The following WIPF3 variants were observed in gnomAD, a reference collection of about 807,000 sequenced individuals.
The protein encoded by WIPF3 is WAS/WASL interacting protein family member 3.
A neutral mutation model predicts 38.9 loss-of-function variants in WIPF3; 33 were observed. That is an observed-to-expected ratio of 0.85 (90% CI 0.64 to 1.14). The LOEUF is 1.14. WIPF3 is among the 50% of genes most tolerant of loss of function. The pLI, the probability that WIPF3 is intolerant of heterozygous loss-of-function variation, is 0.00. For synonymous variants in WIPF3, 324 were observed against 269.3 expected (o/e 1.20, Z -1.99); for missense variants, 711 against 652.5 (o/e 1.09, Z -0.98).
Position 29,812,271 on chromosome 7 carries a change from A to C in WIPF3, c.-58+5593A>C, listed in dbSNP as rs145794372. On this transcript the variant is annotated intron_variant, in intron 1 of 8. Coordinates refer to ENST00000242140, the MANE Select transcript of WIPF3 (RefSeq NM_001080529.3). ...AATTGTAGCAGCTGCCAAAGTAAAC[A>C]AAACCAAACCAGTGCACACACCCAA... Among the ~76,000 whole-genome samples the C allele has an allele frequency of 1.6e-3, 243 of 152,360 alleles. No homozygotes were observed. The East Asian group carries it at 0.021, about 13-fold the overall frequency.
At chr7:29,840,696 A>G (rs546339219) in intron 2 of WIPF3, among the ~76,000 whole-genome samples, 1 of 152,352 alleles carries the variant, frequency 6.6e-6, no homozygotes, top group East Asian at 1.9e-4. Flanking sequence ...GACTTTGTTT[A>G]GGACCATCAC....
At chr7:29,839,347 A>G (rs952643878) in intron 2 of WIPF3, among the ~76,000 whole-genome samples, 1 of 152,230 alleles carries the variant, frequency 6.6e-6, no homozygotes, top group Non-Finnish European at 1.5e-5. Context: ...TATGAAAGCT[A>G]AAACCACTGG....
chr7:29,841,030 G>T (rs1028405456), intron 2 of WIPF3, among the ~76,000 whole-genome samples: 1 of 152,106 alleles, frequency 6.6e-6, no homozygotes, highest in Admixed American at 6.5e-5. Context: ...ATTTTACAAG[G>T]GAGTGCACAG....
At chr7:29,807,002 C>T (rs1431418714) in intron 1 of WIPF3, among the ~76,000 whole-genome samples, 1 of 151,852 alleles carries the variant, frequency 6.6e-6, no homozygotes, top group East Asian at 2.0e-4. Context: ...GACTGGACTC[C>T]CCGGTGAGCA....
chr7:29,810,804 A>G (rs2128060894), intron 1 of WIPF3, among the ~76,000 whole-genome samples: 1 of 152,258 alleles, frequency 6.6e-6, no homozygotes, highest in African/African-American at 2.4e-5. Flanking sequence ...AAATTACTTA[A>G]CCTCTCTGTG....
In WIPF3 at chr7:29,890,747, G is replaced by A. The variant is rs565176511; in HGVS notation, c.1351+1340G>A. 4.5e-3 allele frequency among the ~76,000 whole-genome samples: 654 copies of A among 144,258 alleles called. 6 individuals carry two copies. The highest frequency in any genetic ancestry group is 0.016 in the African/African-American group (638 of 38,754). The allele number at this position is 144,258 out of a possible 152,430, so 94.6% of individuals were successfully genotyped here. On this transcript the variant is annotated intron_variant, in intron 7 of 8. Transcript: ENST00000242140. ...GAGGGAACCCAGGGCCCTGTGCTCAGGTGGAGGGGGCTCAGGCCTGCCCTG... is the reference window on the plus strand; with the variant it reads ...GAGGGAACCCAGGGCCCTGTGCTCAAGTGGAGGGGGCTCAGGCCTGCCCTG...
chr7:29,911,532 TAATC>T (rs1285573058), intron 8 of WIPF3, among the ~76,000 whole-genome samples: 1 of 152,006 alleles, frequency 6.6e-6, no homozygotes, highest in East Asian at 1.9e-4. Context: ...AAAACTATAA[TAATC>T]AAAACAGTGT....
intron 2 of WIPF3, among the ~76,000 whole-genome samples, chr7:29,861,058 C>T (rs938522864): frequency 3.3e-5 from 5 of 152,106 alleles, no homozygotes; most frequent in African/African-American, 1.2e-4. Flanking sequence ...ACACTAAGCT[C>T]GTTCTTAAAT....
intron 2 of WIPF3, among the ~76,000 whole-genome samples, chr7:29,846,919 T>A (rs1785010349): frequency 6.6e-6 from 1 of 152,218 alleles, no homozygotes; most frequent in African/African-American, 2.4e-5. Context: ...CCATAGGATG[T>A]CAAGCAAATT....
rs186920866 is a variant in WIPF3, at chr7:29,834,044, A to G, written c.-57-624A>G. Among the ~76,000 whole-genome samples, 12 of 152,288 alleles carry G rather than the reference A, an allele frequency of 7.9e-5. No individual in the cohort carries two copies. The East Asian group carries it at 2.1e-3, about 27-fold the overall frequency. ...AAGCCCCCTGCATAGCAAATACCAG[A>G]TAGAAAGTCTAGGCAGAGGAGAGGA... On this transcript the variant is annotated intron_variant, in intron 1 of 8. Transcript: ENST00000242140.
chr7:29,867,494 G>T (rs1785408435), intron 2 of WIPF3, among the ~76,000 whole-genome samples: 1 of 150,990 alleles, frequency 6.6e-6, no homozygotes, highest in East Asian at 1.9e-4. Context: ...TTCTAACTAG[G>T]TATTATTTAT....
chr7:29,914,109 T>A (rs1479296918), intron 8 of WIPF3, among the ~76,000 whole-genome samples: 3 of 152,218 alleles, frequency 2.0e-5, no homozygotes, highest in Non-Finnish European at 4.4e-5. Context: ...GGTCAGTGCA[T>A]GGGGTGGGAG....
intron 4 of WIPF3, among the ~76,000 whole-genome samples, chr7:29,879,473 A>G (rs770829493): frequency 6.5e-4 from 99 of 152,380 alleles, no homozygotes; most frequent in East Asian, 5.8e-4. Context: ...ATAGAACTTC[A>G]TAGTGACATC....
At position 29,889,473 on chromosome 7, in the gene WIPF3, A is replaced by G. The variant is rs1785962294; in HGVS notation, c.1351+66A>G. The G allele has an allele frequency of 4.3e-5, 52 of 1,212,202 alleles. 2 individuals are homozygous for G. The South Asian group carries it at 6.3e-4, about 15-fold the overall frequency. 75.1% of individuals were successfully genotyped at this position (1,212,202 alleles called of 1,614,324 possible). A position where few individuals can be genotyped will look rare whatever the true frequency, so the allele number is the denominator to read the frequency against. ...CTTCAAAATTAGGTGCCCACTGTGC[A>G]TCAGTTGGTCACAGACTGTCTAAAG... On this transcript the variant is annotated intron_variant, in intron 7 of 8. Coordinates refer to ENST00000242140, the MANE Select transcript of WIPF3 (RefSeq NM_001080529.3).
Position 29,907,589 on chromosome 7 carries a change from G to T in WIPF3, c.1428+3227G>T, listed in dbSNP as rs113024178. Among the ~76,000 whole-genome samples the T allele has an allele frequency of 5.3e-5, 8 of 152,278 alleles. 1 individual carries two copies. The highest frequency in any genetic ancestry group is 1.9e-4 in the African/African-American group (8 of 41,566). On this transcript the variant is annotated intron_variant, in intron 8 of 8. Coordinates refer to ENST00000242140, the MANE Select transcript of WIPF3 (RefSeq NM_001080529.3). ...GGAGGTGATAAACCATGAGGGCAGAGCCCTCATGAATGAGATTAGTGCCCT... is the reference window on the plus strand; with the variant it reads ...GGAGGTGATAAACCATGAGGGCAGATCCCTCATGAATGAGATTAGTGCCCT...
At chr7:29,816,334 A>G (rs894657601) in intron 1 of WIPF3, among the ~76,000 whole-genome samples, 2 of 151,806 alleles carry the variant, frequency 1.3e-5, no homozygotes, top group South Asian at 2.1e-4. Context: ...CATCATCATC[A>G]TCATTTTTTT....
rs1180355186 is a variant in WIPF3 at position 29,878,865 on chromosome 7, G to A, written c.224-144G>A. 1.1e-6 allele frequency: 1 copy of A among 936,344 alleles called. No homozygotes were observed. The highest frequency in any genetic ancestry group is 1.6e-5 in the African/African-American group (1 of 60,652). 58.0% of individuals were successfully genotyped at this position (936,344 alleles called of 1,614,324 possible). A position where few individuals can be genotyped will look rare whatever the true frequency, so the allele number is the denominator to read the frequency against. The stretch of plus-strand genomic sequence containing the variant: ...GCAGAGGGTGCTTGGGGAGGATGCT[G>A]AGTGAAAGGATGACATTGGAGGTGG... On this transcript the variant is annotated intron_variant, in intron 3 of 8. Coordinates refer to ENST00000242140, the MANE Select transcript of WIPF3 (RefSeq NM_001080529.3). The surrounding 1 kb of genome is among the most constrained non-coding windows in gnomAD (Gnocchi z 4.0).
chr7:29,866,369 C>T (rs1352188747), intron 2 of WIPF3, among the ~76,000 whole-genome samples: 1 of 152,106 alleles, frequency 6.6e-6, no homozygotes, highest in Non-Finnish European at 1.5e-5. Context: ...TGCATTTTGC[C>T]CTGCAGCCAA....
intron 1 of WIPF3, among the ~76,000 whole-genome samples, chr7:29,822,442 T>C (rs1784554492): frequency 6.6e-6 from 1 of 152,258 alleles, no homozygotes; most frequent in African/African-American, 2.4e-5. Flanking sequence ...CACTGTCTTC[T>C]TGGCCTACCT....
Sources: gnomAD v4.1 joint callset for allele counts (sites outside exome capture counted in the v4.1 genomes callset) on GRCh38, gnomAD v4.1.1 for gene constraint, Gnocchi (gnomAD v3.1) non-coding constraint, MANE v1.5 for transcripts, NCBI Gene and HGNC (gene_info 2026-07-23, HGNC 2026-07-21) for gene names.